ABCA1: variants seen among roughly 807,000 people sequenced by gnomAD.
The protein encoded by ABCA1 is phospholipid-transporting ATPase ABCA1.
ABCA1 carries 133 observed loss-of-function variants against 262.5 expected under a neutral mutation model. That is an observed-to-expected ratio of 0.51 (90% confidence interval 0.44 to 0.59). ABCA1 has a LOEUF of 0.59. ABCA1 is among the 20% of genes least tolerant of loss of function. The probability of loss-of-function intolerance (pLI) is 0.00; values close to 1 mark genes in which losing one functional copy is unlikely to be tolerated. For synonymous variants in ABCA1, 1,022 were observed against 1,043.5 expected, an observed-to-expected ratio of 0.98 and a Z score of 0.40; for missense variants, 2,452 against 2,777.5, an observed-to-expected ratio of 0.88 and a Z score of 2.63.
At chr9:104,901,575 G>A (rs888431610) in intron 2 of ABCA1, among the ~76,000 whole-genome samples, 1 of 152,278 alleles carries the variant, frequency 6.6e-6, no homozygotes, top group South Asian at 2.1e-4. Context: ...GAGTAAGGAC[G>A]GACATAGAGG....
At chr9:104,814,629 T>C (rs989149240) in intron 25 of ABCA1, among the ~76,000 whole-genome samples, 154 bp from the exon 26 acceptor site, 5 of 152,232 alleles carry the variant, frequency 3.3e-5, no homozygotes, top group Admixed American at 3.3e-4. Context: ...CAGAGTTACC[T>C]GGGAGAGAAG....
intron 1 of ABCA1, among the ~76,000 whole-genome samples, chr9:104,914,621 A>G (rs915478258): frequency 6.6e-6 from 1 of 152,178 alleles, no homozygotes; most frequent in African/African-American, 2.4e-5. Flanking sequence ...GCAATGTGCA[A>G]CAAGCTACTG....
intron 11 of ABCA1, among the ~76,000 whole-genome samples, chr9:104,834,395 G>A (rs1833613211): frequency 6.7e-6 from 1 of 149,534 alleles, no homozygotes; most frequent in Non-Finnish European, 1.5e-5. Context: ...ACCATCACCA[G>A]GAAGGTATGT....
At position 104,821,404 on chromosome 9, in the gene ABCA1, G is replaced by A; in HGVS notation, c.2931C>T (p.Val977=). The A allele has an allele frequency of 5.6e-6, 9 of 1,614,174 alleles. No homozygotes were observed. Among genetic ancestry groups the A allele is most frequent in the Non-Finnish European group, 6.8e-6 (8 of 1,180,044 alleles). ...EMSTIRQNLG[V]CPQHNVLFDM... ...CAAACAGCACGTTATGCTGGGGACA[G>A]ACCCCCAGGTTCTGCCGGATGGTGC... is the stretch of plus-strand genomic sequence containing the variant. The change falls in exon 20 of 50, where the codon GTC becomes GTT. Residue 977 remains valine, a synonymous_variant. Coordinates refer to ENST00000374736, the MANE Select transcript of ABCA1 (RefSeq NM_005502.4).
intron 1 of ABCA1, among the ~76,000 whole-genome samples, chr9:104,904,628 C>T (rs1206907650): frequency 6.6e-6 from 1 of 151,756 alleles, no homozygotes; most frequent in Non-Finnish European, 1.5e-5. Context: ...CACAACGTGC[C>T]TTAGATGAGT....
At position 104,817,472 on chromosome 9, in the gene ABCA1, CG is replaced by C; in HGVS notation, c.3463-69del. 6.5e-7 allele frequency: 1 copy of C among 1,537,530 alleles called. No individual in the cohort carries two copies. Among genetic ancestry groups the C allele is most frequent in the Admixed American group, 1.7e-5 (1 of 59,004 alleles). On this transcript the variant is annotated intron_variant, in intron 23 of 49. Transcript: ENST00000374736. The surrounding 1 kb of genome is among the most constrained non-coding windows in gnomAD (Gnocchi z 4.7). ...AAGGCAGAGCCACCAGCACCTTCGCCGGGGAGGGCTTCCAAGAAGCTCTGTT... is the reference window on the plus strand; with the variant it reads ...AAGGCAGAGCCACCAGCACCTTCGCCGGGAGGGCTTCCAAGAAGCTCTGTT...
intron 48 of ABCA1, among the ~76,000 whole-genome samples, chr9:104,785,871 A>C (rs1171463400): frequency 2.0e-5 from 3 of 152,220 alleles, no homozygotes; most frequent in Non-Finnish European, 4.4e-5. Context: ...TGGACCCATG[A>C]AGTCTGACAG....
In ABCA1 at chr9:104,825,904, A is replaced by C. The variant is rs182899836; in HGVS notation, c.2338-17T>G. ...CAGCAGGCTCTGTGAGAAACAGGCA[A>C]AGTCACCTATCCATTTCCTGGTCAG... On this transcript the variant is annotated splice_polypyrimidine_tract_variant and intron_variant, in intron 16 of 49. Transcript: ENST00000374736. 3.7e-6 allele frequency: 6 copies of C among 1,612,982 alleles called. No homozygotes were observed. Among genetic ancestry groups the C allele is most frequent in the African/African-American group, 1.3e-5 (1 of 75,018 alleles).
In ABCA1 at chr9:104,883,410, C is replaced by G. The variant is rs201892652; in HGVS notation, c.303-253G>C. 6.6e-5 allele frequency among the ~76,000 whole-genome samples: 10 copies of G among 152,254 alleles called. No homozygotes were observed. The East Asian group carries it at 1.9e-3, about 30-fold the overall frequency. On this transcript the variant is annotated intron_variant, in intron 4 of 49. Coordinates refer to ENST00000374736, the MANE Select transcript of ABCA1 (RefSeq NM_005502.4). ...CCAAATCTTACCACCCTTCAAGGCC[C>G]GGCTCATCATGCATGTGCACACACA...
At chr9:104,816,035 A>T (rs1321155108) in intron 25 of ABCA1, 108 bp downstream of exon 25, 2 of 1,267,896 alleles carry the variant, frequency 1.6e-6, no homozygotes, top group African/African-American at 2.9e-5. Flanking sequence ...ATGACCTAAA[A>T]ACTCAATGAC....
Position 104,817,456 on chromosome 9 carries a change from C to A in ABCA1, c.3463-52G>T. The A allele has an allele frequency of 6.3e-7, 1 of 1,593,500 alleles. No homozygotes were observed. Among genetic ancestry groups the A allele is most frequent in the Non-Finnish European group, 8.6e-7 (1 of 1,161,666 alleles). On this transcript the variant is annotated intron_variant, in intron 23 of 49. Coordinates refer to ENST00000374736, the MANE Select transcript of ABCA1 (RefSeq NM_005502.4). This position sits in a 1 kb window ranked among gnomAD's most constrained non-coding sequence, Gnocchi z 4.7. Reference sequence around the variant, plus strand: ...GGGTCAGGGACGGAGCAAGGCAGAGCCACCAGCACCTTCGCCGGGGAGGGC... The same window carrying A: ...GGGTCAGGGACGGAGCAAGGCAGAGACACCAGCACCTTCGCCGGGGAGGGC...
intron 5 of ABCA1, among the ~76,000 whole-genome samples, chr9:104,875,384 G>C (rs147924314): frequency 1.9e-3 from 286 of 149,282 alleles, no homozygotes; most frequent in African/African-American, 6.4e-3. Context: ...GGCCTAACAA[G>C]CCAGATTCAT....
rs1564197827 is a variant in ABCA1 at position 104,862,641 on chromosome 9, G to GGCAGC, written c.422-842_422-841insGCTGC. Among the ~76,000 whole-genome samples the GGCAGC allele has an allele frequency of 8.9e-3, 18 of 2,020 alleles. 1 individual carries two copies. The highest frequency in any genetic ancestry group is 0.025 in the South Asian group (1 of 40). The allele number at this position is 2,020 out of a possible 152,430, so 1.3% of individuals were successfully genotyped here. A position where few individuals can be genotyped will look rare whatever the true frequency, so the allele number is the denominator to read the frequency against. ...TGTTAAAATGCAGACTGCCGGGCCGGGCCGGGCCGGGCCGGGCCGGGCCGG... is the reference window on the plus strand; with the variant it reads ...TGTTAAAATGCAGACTGCCGGGCCGGGCAGCGCCGGGCCGGGCCGGGCCGGGCCGG... On this transcript the variant is annotated intron_variant, in intron 5 of 49. Transcript: ENST00000374736.
chr9:104,787,247 G>T (rs772712432), intron 46 of ABCA1, among the ~76,000 whole-genome samples: 12 of 152,032 alleles, frequency 7.9e-5, no homozygotes, highest in African/African-American at 2.2e-4. Context: ...AAGGAAAAAG[G>T]CCATTTAGTT....
chr9:104,814,532 C>A (rs1831562805), intron 25 of ABCA1, 57 bp from the exon 26 acceptor site: 7 of 1,493,068 alleles, frequency 4.7e-6, no homozygotes, highest in Non-Finnish European at 6.5e-6. Context: ...GAGTAGTCAC[C>A]ACTGCCACGA....
intron 42 of ABCA1, 115 bp downstream of exon 42, chr9:104,792,671 A>G: frequency 1.5e-6 from 2 of 1,303,010 alleles, no homozygotes; most frequent in Non-Finnish European, 2.2e-6. Flanking sequence ...CTTGGTATAG[A>G]TGTACATTTT....
chr9:104,903,938 C>G (rs908939786), intron 1 of ABCA1, among the ~76,000 whole-genome samples, 167 bp from the exon 2 acceptor site: 2 of 152,224 alleles, frequency 1.3e-5, no homozygotes, highest in African/African-American at 2.4e-5. Flanking sequence ...CCTCTGGGTT[C>G]ACCCACAAAG....
At position 104,837,485 on chromosome 9, in the gene ABCA1, G is replaced by A. The variant is rs370254182; in HGVS notation, c.1137C>T (p.Leu379=). 71 of 1,613,972 alleles carry A rather than the reference G, an allele frequency of 4.4e-5. 1 individual carries two copies. In the Middle Eastern group the frequency reaches 8.2e-4, roughly 19 times the overall value. Reference sequence around the variant, plus strand: ...CAGGTGTATACAGGATCTTCCCAACGAGCAGCGGCTTCAGAGCTTTCCAGA... The same window carrying A: ...CAGGTGTATACAGGATCTTCCCAACAAGCAGCGGCTTCAGAGCTTTCCAGA... ...RIIWKALKPL[L]VGKILYTPDT... The change falls in exon 10 of 50, where the codon CTC becomes CTT. Residue 379 remains leucine (L), a synonymous_variant. Transcript: ENST00000374736.
rs150768275 is a variant in ABCA1, at chr9:104,833,843, G to A, written c.1312-1072C>T. Among the ~76,000 whole-genome samples the A allele has an allele frequency of 2.5e-3, 384 of 152,302 alleles. 1 individual carries two copies. The highest frequency in any genetic ancestry group is 4.5e-3 in the Non-Finnish European group (304 of 68,032). ...GTTGGTTCCTCACATGGGTCAACAC[G>A]AAAGAGAAGGACAGATCAATCCGCT... On this transcript the variant is annotated intron_variant, in intron 11 of 49. Coordinates refer to ENST00000374736, the MANE Select transcript of ABCA1 (RefSeq NM_005502.4).
Sources: allele counts gnomAD v4.1 joint callset (sites outside exome capture counted in the v4.1 genomes callset), GRCh38; gene constraint gnomAD v4.1.1; non-coding constraint Gnocchi (gnomAD v3.1); transcripts MANE v1.5; gene names NCBI Gene and HGNC (gene_info 2026-07-23, HGNC 2026-07-21).